The following LONP1 variants were observed in gnomAD, a reference collection of about 807,000 sequenced individuals.
The protein encoded by LONP1 is lon protease homolog, mitochondrial.
LONP1 carries 31 observed loss-of-function variants against 98.5 expected under a neutral mutation model. The ratio of observed to expected loss-of-function variants is 0.31; its 90% CI spans 0.24 to 0.42. The LOEUF is 0.42. LONP1 is among the 20% of genes least tolerant of loss of function. LONP1 has a pLI of 1.00. For synonymous variants in LONP1, 781 were observed against 594.7 expected (o/e 1.31, Z -4.56); for missense variants, 1,336 against 1,350.6 (o/e 0.99, Z 0.17).
chr19:5,695,720 C>CT (rs1207947234), intron 13 of LONP1, among the ~76,000 whole-genome samples: 1 of 151,464 alleles, frequency 6.6e-6, no homozygotes, highest in Non-Finnish European at 1.5e-5. Flanking sequence ...ACAGGCCCCA[C>CT]TGCTTCCGGC....
rs113572343 is a variant in LONP1 at position 5,694,514 on chromosome 19, C to T, written c.2193G>A (p.Glu731=). Residue 731 remains glutamate, a synonymous_variant, in exon 15 of 18, where the codon GAG becomes GAA. Transcript: ENST00000360614. ...CGGGCGTCACCTCCACGGACTCGGC[C>T]TCGCCGCTGACAATCTTGTAGGCCG... ...RKSAYKIVSG[E]AESVEVTPEN... 6.8e-6 allele frequency: 11 copies of T among 1,613,236 alleles called. No homozygotes were observed. Among genetic ancestry groups the T allele is most frequent in the African/African-American group, 1.3e-5 (1 of 75,060 alleles).
chr19:5,692,228 C>T lies in LONP1; in HGVS notation c.2704-20G>A. 1 of 1,602,236 alleles carries T rather than the reference C, an allele frequency of 6.2e-7. No individual in the cohort carries two copies. Among genetic ancestry groups the T allele is most frequent in the South Asian group, 1.1e-5 (1 of 89,662 alleles). On this transcript the variant is annotated intron_variant, in intron 17 of 17. Coordinates refer to ENST00000360614, the MANE Select transcript of LONP1 (RefSeq NM_004793.4). ...CTTGGCCTGGGGGCAGAGTCAGGGT[C>T]AGCCCTGCCTGGGCCTGTGGGAGGG...
chr19:5,698,633 G>A (rs1179891673), intron 10 of LONP1, among the ~76,000 whole-genome samples: 1 of 152,318 alleles, frequency 6.6e-6, no homozygotes, highest in South Asian at 2.1e-4. Context: ...CTTCGGGGTG[G>A]GGGGTGGAGC....
At chr19:5,714,990 G>A (rs2055292905) in intron 1 of LONP1, 1 of 150,010 alleles carries the variant, frequency 6.7e-6, no homozygotes, top group African/African-American at 2.5e-5. Flanking sequence ...TTATTCTCTG[G>A]GGACATGCTG....
chr19:5,718,672 C>T (rs2055365610), intron 1 of LONP1, among the ~76,000 whole-genome samples: 1 of 151,894 alleles, frequency 6.6e-6, no homozygotes, highest in South Asian at 2.1e-4. Flanking sequence ...GATAACCTTC[C>T]CATAGATGCC....
At chr19:5,708,062 G>C (rs2055176524) in intron 5 of LONP1, 1 of 613,116 alleles carries the variant, frequency 1.6e-6, no homozygotes. Context: ...GCCGTGCAGT[G>C]ACCTCACCTC....
At chr19:5,715,333 C>CTTT (rs554066832) in intron 1 of LONP1, among the ~76,000 whole-genome samples, 18 of 138,238 alleles carry the variant, frequency 1.3e-4, no homozygotes, top group South Asian at 4.7e-4. Context: ...TGATAACTTC[C>CTTT]TTTTTTTTTT....
At position 5,694,393 on chromosome 19, in the gene LONP1, C is replaced by T. The variant is rs766234254; in HGVS notation, c.2314G>A (p.Ala772Thr). The part of the protein sequence containing the change: ...PGVVMGLAWT[A>T]MGGSTLFVET... Reference sequence around the variant, plus strand: ...CTCCCGCCACCACGCTCACCCATTGCGGTCCAGGCCAGCCCCATGACCACG... The same window carrying T: ...CTCCCGCCACCACGCTCACCCATTGTGGTCCAGGCCAGCCCCATGACCACG... The change falls in exon 15 of 18, where the codon GCA becomes ACA. Residue 772 changes from alanine to threonine, a missense_variant. Ala to Thr is a moderately conservative substitution (Grantham distance 58). Around this residue, in one of 5 missense-constraint regions of LONP1, gnomAD observed 555 missense variants for 542.6 expected, o/e 1.02. Coordinates refer to ENST00000360614, the MANE Select transcript of LONP1 (RefSeq NM_004793.4). 25 of 1,612,690 alleles carry T rather than the reference C, an allele frequency of 1.6e-5. No homozygotes were observed. Among genetic ancestry groups the T allele is most frequent in the South Asian group, 1.3e-4 (12 of 91,066 alleles).
chr19:5,711,881 G>A lies in LONP1; in HGVS notation c.760C>T (p.His254Tyr), dbSNP rs769408588. ...KEAEDELSARHPAELAMEPTP... is the reference protein window; with the variant it reads ...KEAEDELSARYPAELAMEPTP... ...GGCTCCATCGCCAGCTCCGCCGGGT[G>A]CCTGGCGCTCAGCTCGTCCTCCGCC... The change falls in exon 4 of 18, where the codon CAC (histidine) becomes TAC (tyrosine). Residue 254 changes from histidine to tyrosine, a missense_variant. Coordinates refer to ENST00000360614, the MANE Select transcript of LONP1 (RefSeq NM_004793.4). 2 of 1,612,850 alleles carry A rather than the reference G, an allele frequency of 1.2e-6. No homozygotes were observed. The highest frequency in any genetic ancestry group is 2.2e-5 in the East Asian group (1 of 44,876).
intron 1 of LONP1, 39 bp from the exon 2 acceptor site, chr19:5,714,310 A>ATTTTTTTTTTTTTTT (rs769200423): frequency 7.4e-7 from 1 of 1,360,400 alleles, no homozygotes; most frequent in Non-Finnish European, 1.0e-6. Context: ...TGCAGAGTAG[A>ATTTTTTTTTTTTTTT]TTTTTTTTTT....
intron 8 of LONP1, 73 bp downstream of exon 8, chr19:5,705,699 C>T: frequency 7.1e-7 from 1 of 1,417,002 alleles, no homozygotes; most frequent in Non-Finnish European, 9.9e-7. Flanking sequence ...CCCGCTGGGT[C>T]CCCTGGCCTG....
At chr19:5,701,980 G>GT (rs2055054840) in intron 8 of LONP1, among the ~76,000 whole-genome samples, 1 of 149,170 alleles carries the variant, frequency 6.7e-6, no homozygotes, top group South Asian at 2.1e-4. Context: ...CTGCCCGGCA[G>GT]CCCTGAGAAG....
intron 8 of LONP1, among the ~76,000 whole-genome samples, chr19:5,704,892 G>A (rs2055118474): frequency 6.6e-6 from 1 of 152,254 alleles, no homozygotes; most frequent in African/African-American, 2.4e-5. Flanking sequence ...CAGGCGTGGT[G>A]GCTCATGCCT....
intron 1 of LONP1, chr19:5,717,391 T>C (rs1043490074): frequency 6.6e-6 from 1 of 152,242 alleles, no homozygotes; most frequent in Admixed American, 6.5e-5. Flanking sequence ...TCCATTTTTA[T>C]GATTTACAAT....
intron 2 of LONP1, among the ~76,000 whole-genome samples, chr19:5,713,847 G>A (rs1307440215): frequency 6.6e-6 from 1 of 152,058 alleles, no homozygotes; most frequent in East Asian, 1.9e-4. Flanking sequence ...ACAGGTGTGC[G>A]ACCCCACGCC....
rs752742726 is a variant in LONP1, at chr19:5,692,121, G to A, written c.2791C>T (p.Leu931=). The A allele has an allele frequency of 1.2e-6, 2 of 1,607,498 alleles. No homozygotes were observed. Among genetic ancestry groups the A allele is most frequent in the Admixed American group, 3.4e-5 (2 of 59,432 alleles). ...TAGTGTTCCACGAAGTGCACCTCCA[G>A]GCCCTCGGTGATGAAGGCTGCCAGG... ...YDLAAFITEG[L]EVHFVEHYRE... The change falls in exon 18 of 18, where the codon CTG becomes TTG. Residue 931 remains leucine, a synonymous_variant. Coordinates refer to ENST00000360614, the MANE Select transcript of LONP1 (RefSeq NM_004793.4).
intron 8 of LONP1, among the ~76,000 whole-genome samples, chr19:5,703,568 AG>A (rs1201439178): frequency 6.6e-6 from 1 of 151,830 alleles, no homozygotes; most frequent in Non-Finnish European, 1.5e-5. Context: ...ACGGCTTCCG[AG>A]GAAGGGCCAG....
rs1327221114 is a variant in LONP1, at chr19:5,719,821, C to CCCGGCG, written c.306_311dup (p.Ala103_Gly104dup). ...TGAGCGCCGTTATGACCGGGCCTTCCCCGGCGCCCGCGCTGCCCCCCGCGC... is the reference window on the plus strand; with the variant it reads ...TGAGCGCCGTTATGACCGGGCCTTCCCCGGCGCCGGCGCCCGCGCTGCCCCCCGCGC... On this transcript the variant is annotated inframe_insertion, in exon 1 of 18. Coordinates refer to ENST00000360614, the MANE Select transcript of LONP1 (RefSeq NM_004793.4). 33 of 1,610,678 alleles carry CCCGGCG rather than the reference C, an allele frequency of 2.0e-5. No homozygotes were observed. Among genetic ancestry groups the CCCGGCG allele is most frequent in the Non-Finnish European group, 2.8e-5 (33 of 1,179,304 alleles).
chr19:5,695,979 G>A, intron 13 of LONP1, 75 bp downstream of exon 13: 2 of 1,350,668 alleles, frequency 1.5e-6, no homozygotes. Context: ...GCTCCCAGAG[G>A]CACGGCCTCT....
Sources: allele counts gnomAD v4.1 joint callset (sites outside exome capture counted in the v4.1 genomes callset), GRCh38; gene constraint gnomAD v4.1.1; regional missense constraint gnomAD v4.1.1; transcripts MANE v1.5; gene names NCBI Gene and HGNC (gene_info 2026-07-23, HGNC 2026-07-21).